Variants in KDM2A observed in about 807,000 individuals in gnomAD.
KDM2A encodes the protein lysine demethylase 2A.
KDM2A carries 3 observed loss-of-function variants against 137.3 expected under a neutral mutation model. The observed-to-expected ratio is 0.02, with a 90% CI of 0.01 to 0.06. The LOEUF (loss-of-function observed/expected upper bound fraction) is 0.06, where lower values mean the gene tolerates loss of function less well. Among genes scored for constraint, KDM2A ranks in the 10% least tolerant of loss-of-function variants. KDM2A has a pLI of 1.00. For missense variants in KDM2A, 738 were observed against 1,510.6 expected (o/e 0.49, Z 8.48); for synonymous variants, 512 against 541.5 (o/e 0.95, Z 0.76).
intron 2 of KDM2A, among the ~76,000 whole-genome samples, chr11:67,173,602 T>C (rs928218878): frequency 3.3e-5 from 5 of 152,090 alleles, no homozygotes; most frequent in African/African-American, 9.7e-5. Flanking sequence ...TGAACCAGGC[T>C]GGTCTTGAAT....
intron 2 of KDM2A, among the ~76,000 whole-genome samples, chr11:67,141,442 G>A (rs1288785874): frequency 4.0e-5 from 6 of 151,648 alleles, no homozygotes; most frequent in South Asian, 2.1e-4. Flanking sequence ...CAAGGCGGGC[G>A]GATCATGAGG....
chr11:67,128,229 C>G (rs999486390), intron 2 of KDM2A, among the ~76,000 whole-genome samples: 1 of 151,908 alleles, frequency 6.6e-6, no homozygotes, highest in African/African-American at 2.4e-5. Flanking sequence ...TCTCGAACTC[C>G]TGGGCTTAAG....
At chr11:67,186,873 G>A (rs2136343695) in intron 5 of KDM2A, among the ~76,000 whole-genome samples, 1 of 152,304 alleles carries the variant, frequency 6.6e-6, no homozygotes, top group South Asian at 2.1e-4. Flanking sequence ...TTCAAGACCA[G>A]CCTGGGCAAC....
At chr11:67,157,733 A>G (rs1489451290) in intron 2 of KDM2A, among the ~76,000 whole-genome samples, 1 of 150,670 alleles carries the variant, frequency 6.6e-6, no homozygotes, top group Non-Finnish European at 1.5e-5. Flanking sequence ...CGACAAAAGC[A>G]AGACTCCGTC....
intron 2 of KDM2A, among the ~76,000 whole-genome samples, chr11:67,169,546 A>ATTT (rs991674581): frequency 6.8e-6 from 1 of 146,152 alleles, no homozygotes; most frequent in East Asian, 2.1e-4. Flanking sequence ...TACCTGGCTA[A>ATTT]TTGTTTTTTG....
chr11:67,141,882 A>G (rs749911600), intron 2 of KDM2A, among the ~76,000 whole-genome samples: 1 of 151,650 alleles, frequency 6.6e-6, no homozygotes, highest in Non-Finnish European at 1.5e-5. Context: ...TTATGAGATC[A>G]GCTTTTTAGT....
At chr11:67,183,630 A>G (rs1857137385) in intron 5 of KDM2A, among the ~76,000 whole-genome samples, 1 of 152,222 alleles carries the variant, frequency 6.6e-6, no homozygotes, top group East Asian at 1.9e-4. Context: ...GCCTTAGCAC[A>G]GTAACAGCTG....
chr11:67,242,843 T>G (rs867632565), intron 12 of KDM2A, among the ~76,000 whole-genome samples, 166 bp from the exon 13 acceptor site: 3 of 152,170 alleles, frequency 2.0e-5, no homozygotes, highest in Admixed American at 6.5e-5. Flanking sequence ...ACCTTTGATT[T>G]ATTTGTTTTC....
intron 15 of KDM2A, among the ~76,000 whole-genome samples, chr11:67,247,797 A>G (rs542525960): frequency 6.6e-6 from 1 of 152,238 alleles, no homozygotes; most frequent in South Asian, 2.1e-4. Flanking sequence ...TATTACATCT[A>G]TTAACATATC....
rs921321640 is a variant in KDM2A, at chr11:67,192,433, CTTTTTTTTTT to C, written c.307+10560_307+10569del. Among the ~76,000 whole-genome samples the C allele has an allele frequency of 1.0e-3, 71 of 70,556 alleles. 1 individual carries two copies. Among genetic ancestry groups the C allele is most frequent in the African/African-American group, 3.3e-3 (59 of 17,716 alleles). The allele number at this position is 70,556 out of a possible 152,430, so 46.3% of individuals were successfully genotyped here. A position where few individuals can be genotyped will look rare whatever the true frequency, so the allele number is the denominator to read the frequency against. On this transcript the variant is annotated intron_variant, in intron 5 of 20. Coordinates refer to ENST00000529006, the MANE Select transcript of KDM2A (RefSeq NM_012308.3). ...ATGGACATTTACTTTGTTTCCATTT[CTTTTTTTTTT>C]TTTTTTTTTTTTTTTTTTGAGATGG... is the stretch of plus-strand genomic sequence containing the variant.
At chr11:67,199,681 A>G (rs1229673376) in intron 5 of KDM2A, among the ~76,000 whole-genome samples, 16 of 152,238 alleles carry the variant, frequency 1.1e-4, no homozygotes, top group African/African-American at 3.9e-4. Context: ...GAAGTTTAAG[A>G]AACCATCTTT....
At position 67,243,102 on chromosome 11, in the gene KDM2A, T is replaced by C. The variant is rs1188838137; in HGVS notation, c.1563+10T>C. ...GCCAAAAAGGGATAAGGTAAGAAAC[T>C]ATTTTCCTTGATCTTTAGGCTGCTT... On this transcript the variant is annotated intron_variant, in intron 13 of 20. Transcript: ENST00000529006. The C allele has an allele frequency of 6.3e-7, 1 of 1,596,462 alleles. No individual in the cohort carries two copies. Among genetic ancestry groups the C allele is most frequent in the East Asian group, 2.2e-5 (1 of 44,736 alleles).
intron 2 of KDM2A, among the ~76,000 whole-genome samples, chr11:67,149,376 A>G (rs1038831808): frequency 6.6e-6 from 1 of 152,184 alleles, no homozygotes; most frequent in Non-Finnish European, 1.5e-5. Context: ...CTGTGCCAAC[A>G]GTGAGCTTTC....
chr11:67,185,607 C>G (rs2136341685), intron 5 of KDM2A, among the ~76,000 whole-genome samples: 1 of 150,200 alleles, frequency 6.7e-6, no homozygotes, highest in East Asian at 2.0e-4. Flanking sequence ...CCCTTGCACT[C>G]TAGCCTTGGT....
At chr11:67,216,296 C>A (rs781564422) in intron 8 of KDM2A, among the ~76,000 whole-genome samples, 3 of 152,144 alleles carry the variant, frequency 2.0e-5, no homozygotes, top group Non-Finnish European at 4.4e-5. Flanking sequence ...GAAGGGAACA[C>A]GAATTTTGGA....
intron 12 of KDM2A, 117 bp from the exon 13 acceptor site, chr11:67,242,892 C>T (rs1205136725): frequency 1.4e-6 from 1 of 696,802 alleles, no homozygotes; most frequent in East Asian, 2.6e-5. Context: ...CAGACAGTTG[C>T]CACCCTGCCT....
chr11:67,247,070 T>TA (rs1859263739), intron 15 of KDM2A, among the ~76,000 whole-genome samples: 1 of 22,022 alleles, frequency 4.5e-5, no homozygotes, highest in East Asian at 1.0e-3. Flanking sequence ...TATATATATA[T>TA]ATTTTTTTTT....
At chr11:67,188,812 G>A (rs1857273800) in intron 5 of KDM2A, among the ~76,000 whole-genome samples, 1 of 145,346 alleles carries the variant, frequency 6.9e-6, no homozygotes, top group Admixed American at 6.8e-5. Context: ...AAAAAAAAAT[G>A]TTTCAAGAGG....
intron 5 of KDM2A, among the ~76,000 whole-genome samples, chr11:67,190,069 T>G (rs1857313245): frequency 6.6e-6 from 1 of 152,184 alleles, no homozygotes; most frequent in African/African-American, 2.4e-5. Context: ...AAAGCTTTAT[T>G]TAGCCAGATG....
Sources: gnomAD v4.1 joint callset for allele counts (sites outside exome capture counted in the v4.1 genomes callset) on GRCh38, gnomAD v4.1.1 for gene constraint, MANE v1.5 for transcripts, NCBI Gene and HGNC (gene_info 2026-07-23, HGNC 2026-07-21) for gene names.